Variants in LIN28A observed in about 807,000 individuals in gnomAD.
LIN28A encodes lin-28 RNA binding posttranscriptional regulator A, also known as protein lin-28 homolog A.
A neutral mutation model predicts 21.1 loss-of-function variants in LIN28A; 11 were observed. That is an observed-to-expected ratio of 0.52 (90% CI 0.33 to 0.86). The LOEUF (loss-of-function observed/expected upper bound fraction) is 0.86. LIN28A is among the 40% of genes least tolerant of loss of function. The pLI is 0.03. For synonymous variants in LIN28A, 111 were observed against 108.7 expected, an observed-to-expected ratio of 1.02 and a Z score of -0.13; for missense variants, 219 against 279.8, an observed-to-expected ratio of 0.78 and a Z score of 1.55.
At chr1:26,425,605 C>A in intron 3 of LIN28A, 118 bp downstream of exon 3, 1 of 969,246 alleles carries the variant, frequency 1.0e-6, no homozygotes, top group Non-Finnish European at 1.5e-6. Flanking sequence ...CTGGCAGCAT[C>A]TGGAAGGCTG....
chr1:26,424,518 G>A lies in LIN28A; in HGVS notation c.229-785G>A, dbSNP rs538436948. 3.0e-4 allele frequency among the ~76,000 whole-genome samples: 45 copies of A among 152,304 alleles called. 1 individual carries two copies. In the South Asian group the frequency reaches 9.1e-3, roughly 31 times the overall value. ...GCCTCCCAAAGTGCTGGGGTTAAAG[G>A]CGTAAGCCACCGTGTGTGGCTGAGC... is the stretch of plus-strand genomic sequence containing the variant. On this transcript the variant is annotated intron_variant, in intron 2 of 3. Transcript: ENST00000326279.
At chr1:26,412,870 G>A (rs1275793312) in intron 2 of LIN28A, among the ~76,000 whole-genome samples, 1 of 152,116 alleles carries the variant, frequency 6.6e-6, no homozygotes, top group Non-Finnish European at 1.5e-5. Context: ...ACCACTTACT[G>A]TTGGGGCCAT....
chr1:26,426,468 G>A lies in LIN28A; in HGVS notation c.*10G>A, dbSNP rs377434392. On this transcript the variant is annotated 3_prime_UTR_variant, in exon 4 of 4. Coordinates refer to ENST00000326279, the MANE Select transcript of LIN28A (RefSeq NM_024674.6). ...GGAGGCACAGAATTGAGCCACAATG[G>A]GTGGGGGCTATTCTTTTGCTATCAG... 1.1e-4 allele frequency: 179 copies of A among 1,606,934 alleles called. No individual in the cohort carries two copies. Among genetic ancestry groups the A allele is most frequent in the Admixed American group, 1.5e-4 (9 of 59,944 alleles).
intron 2 of LIN28A, among the ~76,000 whole-genome samples, chr1:26,414,073 C>T (rs2074978994): frequency 6.6e-6 from 1 of 152,064 alleles, no homozygotes; most frequent in Non-Finnish European, 1.5e-5. Context: ...AGATGATCCG[C>T]CCGCCTTGGC....
chr1:26,426,947 C>T lies in LIN28A; in HGVS notation c.*489C>T. On this transcript the variant is annotated 3_prime_UTR_variant, in exon 4 of 4. Transcript: ENST00000326279. The stretch of plus-strand genomic sequence containing the variant: ...TCATACCCACTTTTGGGATAGGGTG[C>T]TGGCAGCTGTCCCAAGCAATGGGTA... The T allele has an allele frequency of 5.9e-6, 1 of 170,700 alleles. No individual in the cohort carries two copies. The highest frequency in any genetic ancestry group is 1.6e-4 in the East Asian group (1 of 6,140). 10.6% of individuals were successfully genotyped at this position (170,700 alleles called of 1,614,324 possible).
chr1:26,411,768 C>T lies in LIN28A; in HGVS notation c.228+186C>T, dbSNP rs79830033. On this transcript the variant is annotated intron_variant, in intron 2 of 3. Transcript: ENST00000326279. This position sits in a 1 kb window ranked among gnomAD's most constrained non-coding sequence, Gnocchi z 5.4. ...CTCGTGGGGGAGTAGTGGGAGGCAG[C>T]ACCAATTATCAGCACCCCCGCCCCC... 0.034 allele frequency among the ~76,000 whole-genome samples: 5,220 copies of T among 152,290 alleles called. 147 individuals are homozygous for T. The highest frequency in any genetic ancestry group is 0.052 in the Non-Finnish European group (3,560 of 68,010).
chr1:26,410,969 C>G, intron 1 of LIN28A, 47 bp downstream of exon 1: 1 of 1,586,272 alleles, frequency 6.3e-7, no homozygotes, highest in Non-Finnish European at 8.6e-7. Flanking sequence ...TCAGGGGCGG[C>G]CAGGAGCCAC....
At chr1:26,424,143 T>C (rs1399240275) in intron 2 of LIN28A, among the ~76,000 whole-genome samples, 1 of 152,126 alleles carries the variant, frequency 6.6e-6, no homozygotes, top group Non-Finnish European at 1.5e-5. Context: ...TTTTCCAGTA[T>C]TCTACTTATT....
At chr1:26,421,640 C>T (rs1200340378) in intron 2 of LIN28A, among the ~76,000 whole-genome samples, 2 of 152,134 alleles carry the variant, frequency 1.3e-5, no homozygotes, top group African/African-American at 4.8e-5. Flanking sequence ...GACTTCCTTT[C>T]CCAATGGATT....
Position 26,425,420 on chromosome 1 carries a change from T to A in LIN28A, c.346T>A (p.Phe116Ile). ...SIRVTGPGGV[F>I]CIGSERRPKG... ...CCGTGTCACCGGACCTGGTGGAGTA[T>A]TCTGTATTGGGAGTGAGAGGCGGCC... The change falls in exon 3 of 4, where the codon TTC becomes ATC. Residue 116 changes from phenylalanine to isoleucine, a missense_variant. Coordinates refer to ENST00000326279, the MANE Select transcript of LIN28A (RefSeq NM_024674.6). 6.2e-7 allele frequency: 1 copy of A among 1,613,988 alleles called. No homozygotes were observed. The highest frequency in any genetic ancestry group is 8.5e-7 in the Non-Finnish European group (1 of 1,180,012).
At chr1:26,410,964 G>A (rs773597399) in intron 1 of LIN28A, 42 bp downstream of exon 1, 3 of 1,592,288 alleles carry the variant, frequency 1.9e-6, no homozygotes, top group South Asian at 1.1e-5. Context: ...AGGATTCAGG[G>A]GCGGCCAGGA....
At chr1:26,425,153 TA>T in intron 2 of LIN28A, 149 bp from the exon 3 acceptor site, 1 of 713,682 alleles carries the variant, frequency 1.4e-6, no homozygotes, top group Admixed American at 3.0e-5. Flanking sequence ...TTGTTGTTCT[TA>T]ATCGTAGTGA....
At chr1:26,425,531 CCA>C (rs1392138936) in intron 3 of LIN28A, 44 bp downstream of exon 3, 1 of 1,559,612 alleles carries the variant, frequency 6.4e-7, no homozygotes, top group African/African-American at 1.4e-5. Flanking sequence ...AAGGGCATCC[CCA>C]GTCTCCCAAT....
chr1:26,422,941 G>T (rs894859667), intron 2 of LIN28A, among the ~76,000 whole-genome samples: 6 of 151,856 alleles, frequency 4.0e-5, no homozygotes, highest in African/African-American at 1.5e-4. Context: ...TGGTGTTTTT[G>T]TTTGTTTCTG....
At position 26,425,442 on chromosome 1, in the gene LIN28A, G is replaced by A. The variant is rs149686153; in HGVS notation, c.368G>A (p.Arg123Gln). 785 of 1,614,036 alleles carry A rather than the reference G, an allele frequency of 4.9e-4. 1 individual carries two copies. The highest frequency in any genetic ancestry group is 6.2e-4 in the Non-Finnish European group (731 of 1,180,002). Residue 123 changes from arginine (R) to glutamine (Q), a missense_variant, in exon 3 of 4, where the codon CGG becomes CAG. Physicochemically the swap from Arg to Gln is conservative, Grantham distance 43. Transcript: ENST00000326279. ...GTATTCTGTATTGGGAGTGAGAGGC[G>A]GCCAAAAGGAAAGAGCATGCAGAAG... is the stretch of plus-strand genomic sequence containing the variant. The part of the protein sequence containing the change: ...GGVFCIGSER[R>Q]PKGKSMQKRR...
chr1:26,425,798 G>T (rs150148279), intron 3 of LIN28A, among the ~76,000 whole-genome samples: 20 of 152,300 alleles, frequency 1.3e-4, no homozygotes, highest in African/African-American at 4.8e-4. Context: ...GCAAATGGTG[G>T]GACAAGACAG....
intron 2 of LIN28A, among the ~76,000 whole-genome samples, chr1:26,417,312 C>T (rs2074999673): frequency 6.6e-6 from 1 of 152,126 alleles, no homozygotes; most frequent in Non-Finnish European, 1.5e-5. Context: ...TTCCAGACAC[C>T]CCTTTCACCA....
At chr1:26,423,417 T>C (rs921795073) in intron 2 of LIN28A, among the ~76,000 whole-genome samples, 8 of 100,818 alleles carry the variant, frequency 7.9e-5, no homozygotes, top group African/African-American at 4.0e-4. Context: ...CTTTTTCTTT[T>C]TTTTTTTTTT....
In LIN28A at chr1:26,429,251, G is replaced by A. The variant is rs1384556361; in HGVS notation, c.*2793G>A. 1 of 152,926 alleles carries A rather than the reference G, an allele frequency of 6.5e-6. No individual in the cohort carries two copies. Among genetic ancestry groups the A allele is most frequent in the African/African-American group, 2.4e-5 (1 of 41,468 alleles). 9.5% of individuals were successfully genotyped at this position (152,926 alleles called of 1,614,324 possible). A position where few individuals can be genotyped will look rare whatever the true frequency, so the allele number is the denominator to read the frequency against. ...TTTTAATTTCTAATCCTAAAGTAAAGAGATGCAATTGGGGGCCTTCCATGT... is the reference window on the plus strand; with the variant it reads ...TTTTAATTTCTAATCCTAAAGTAAAAAGATGCAATTGGGGGCCTTCCATGT... On this transcript the variant is annotated 3_prime_UTR_variant, in exon 4 of 4. Transcript: ENST00000326279.
Sources: allele counts gnomAD v4.1 joint callset (sites outside exome capture counted in the v4.1 genomes callset), GRCh38; gene constraint gnomAD v4.1.1; non-coding constraint Gnocchi (gnomAD v3.1); transcripts MANE v1.5; gene names NCBI Gene and HGNC (gene_info 2026-07-23, HGNC 2026-07-21).